PARD3B: variants seen among roughly 807,000 people sequenced by gnomAD.
PARD3B encodes the protein par-3 family cell polarity regulator beta, also known as partitioning defective 3 homolog B.
PARD3B carries 103 observed loss-of-function variants against 130.2 expected under a neutral mutation model. The ratio of observed to expected loss-of-function variants is 0.79; its 90% confidence interval spans 0.67 to 0.93. The LOEUF is 0.93. PARD3B is among the 40% of genes least tolerant of loss of function. The pLI is 0.00. For synonymous variants in PARD3B, 583 were observed against 553.2 expected (o/e 1.05, Z -0.76); for missense variants, 1,609 against 1,499.2 (o/e 1.07, Z -1.21).
intron 18 of PARD3B, among the ~76,000 whole-genome samples, chr2:205,394,249 C>T (rs2045952243): frequency 6.6e-6 from 1 of 152,256 alleles, no homozygotes. Context: ...CTATAACCCT[C>T]TCTGAGGTTC....
chr2:204,560,927 G>A (rs955593344), intron 1 of PARD3B, among the ~76,000 whole-genome samples: 1 of 152,006 alleles, frequency 6.6e-6, no homozygotes, highest in African/African-American at 2.4e-5. Context: ...AAGTAATTAG[G>A]CTTGGGGGTT....
At chr2:204,710,338 A>G (rs1363866178) in intron 2 of PARD3B, among the ~76,000 whole-genome samples, 1 of 152,192 alleles carries the variant, frequency 6.6e-6, no homozygotes, top group Non-Finnish European at 1.5e-5. Flanking sequence ...GAATGGAGGG[A>G]AAAAAGGTTA....
At chr2:205,593,387 G>A (rs933272804) in intron 22 of PARD3B, among the ~76,000 whole-genome samples, 19 of 152,306 alleles carry the variant, frequency 1.2e-4, no homozygotes, top group African/African-American at 4.1e-4. Flanking sequence ...AACCCCAACT[G>A]AGTGAGTGCC....
At chr2:205,003,570 G>C (rs921992175) in intron 3 of PARD3B, among the ~76,000 whole-genome samples, 1 of 152,094 alleles carries the variant, frequency 6.6e-6, no homozygotes, top group Admixed American at 6.5e-5. Flanking sequence ...AGTAAGCTCT[G>C]TTCTGACCAC....
intron 20 of PARD3B, among the ~76,000 whole-genome samples, chr2:205,495,669 C>G (rs1302753069): frequency 6.6e-6 from 1 of 152,076 alleles, no homozygotes; most frequent in African/African-American, 2.4e-5. Context: ...TGTAGGCTAG[C>G]CTTCACTTCC....
chr2:205,545,430 A>G (rs1169705058), intron 21 of PARD3B, among the ~76,000 whole-genome samples: 1 of 152,226 alleles, frequency 6.6e-6, no homozygotes, highest in Non-Finnish European at 1.5e-5. Context: ...TCTCCAAAAT[A>G]TCTGTCATGA....
intron 3 of PARD3B, among the ~76,000 whole-genome samples, chr2:205,043,694 C>T (rs1481619002): frequency 1.3e-5 from 2 of 152,080 alleles, no homozygotes; most frequent in African/African-American, 4.8e-5. Flanking sequence ...TACAATATGA[C>T]TTCTACTCTA....
At chr2:205,100,055 T>C (rs1215121018) in intron 4 of PARD3B, among the ~76,000 whole-genome samples, 1 of 152,148 alleles carries the variant, frequency 6.6e-6, no homozygotes, top group Non-Finnish European at 1.5e-5. Flanking sequence ...GATATTTCCA[T>C]ATACTCAGAG....
intron 18 of PARD3B, among the ~76,000 whole-genome samples, chr2:205,314,958 C>T (rs1368799531): frequency 2.0e-5 from 3 of 152,134 alleles, no homozygotes; most frequent in African/African-American, 7.2e-5. Flanking sequence ...TCACAAAATA[C>T]TGTCTCTTAT....
chr2:204,708,920 T>C (rs985145092), intron 2 of PARD3B, among the ~76,000 whole-genome samples: 4 of 152,198 alleles, frequency 2.6e-5, no homozygotes, highest in Non-Finnish European at 5.9e-5. Context: ...TGTGGAATGC[T>C]AAAAGATATT....
chr2:205,174,612 A>G (rs2035360972), intron 12 of PARD3B, among the ~76,000 whole-genome samples: 1 of 152,228 alleles, frequency 6.6e-6, no homozygotes, highest in Non-Finnish European at 1.5e-5. Context: ...GCCCTCCAGT[A>G]CAATAAAAAG....
intron 2 of PARD3B, among the ~76,000 whole-genome samples, chr2:204,933,339 A>G (rs149411528): frequency 1.3e-5 from 2 of 152,314 alleles, no homozygotes; most frequent in African/African-American, 2.4e-5. Context: ...ATTTTAATTG[A>G]TGACACTCTG....
intron 2 of PARD3B, among the ~76,000 whole-genome samples, chr2:204,873,791 A>G (rs1298517228): frequency 6.6e-6 from 1 of 152,182 alleles, no homozygotes; most frequent in Admixed American, 6.6e-5. Flanking sequence ...TATAGTAGGC[A>G]TCTGGCAGTG....
At chr2:204,816,801 C>T (rs948514241) in intron 2 of PARD3B, among the ~76,000 whole-genome samples, 1 of 151,936 alleles carries the variant, frequency 6.6e-6, no homozygotes, top group African/African-American at 2.4e-5. Flanking sequence ...AAATTTAAAA[C>T]ATTTTTTCAT....
At chr2:204,968,442 A>G (rs1015256015) in intron 3 of PARD3B, among the ~76,000 whole-genome samples, 1 of 152,088 alleles carries the variant, frequency 6.6e-6, no homozygotes, top group Non-Finnish European at 1.5e-5. Context: ...CCAGGATGTA[A>G]TACTTATGCA....
At chr2:204,747,882 G>A (rs6746267) in intron 2 of PARD3B, among the ~76,000 whole-genome samples, 22 of 152,052 alleles carry the variant, frequency 1.4e-4, no homozygotes, top group Admixed American at 4.6e-4. Flanking sequence ...TAATTTTATC[G>A]CATTTACTAG....
chr2:204,736,260 G>A (rs1209576278), intron 2 of PARD3B, among the ~76,000 whole-genome samples: 2 of 151,688 alleles, frequency 1.3e-5, no homozygotes, highest in African/African-American at 2.4e-5. Flanking sequence ...GATGTAAAAC[G>A]TTTTTATTTT....
intron 18 of PARD3B, among the ~76,000 whole-genome samples, chr2:205,349,796 T>TTC (rs200533532): frequency 0.021 from 2,191 of 103,216 alleles, 137 homozygotes; most frequent in Admixed American, 0.19. Context: ...CTTTTTCTTT[T>TTC]TCTCTTTTTT....
At chr2:204,586,483 C>T (rs2032830258) in intron 1 of PARD3B, among the ~76,000 whole-genome samples, 1 of 152,274 alleles carries the variant, frequency 6.6e-6, no homozygotes, top group African/African-American at 2.4e-5. Context: ...CCGAAGGCTA[C>T]CAGCAAGGGA....
Sources: gnomAD v4.1 joint callset for allele counts (sites outside exome capture counted in the v4.1 genomes callset) on GRCh38, gnomAD v4.1.1 for gene constraint, MANE v1.5 for transcripts, NCBI Gene and HGNC (gene_info 2026-07-23, HGNC 2026-07-21) for gene names.